PRKAR1A: variants seen among roughly 807,000 people sequenced by gnomAD.
The protein encoded by PRKAR1A is cAMP-dependent protein kinase type I-alpha regulatory subunit.
A neutral mutation model predicts 52.0 loss-of-function variants in PRKAR1A; 3 were observed. The observed-to-expected ratio is 0.06, with a 90% CI of 0.03 to 0.15. The LOEUF is 0.15. PRKAR1A is among the 10% of genes least tolerant of loss of function. The probability of loss-of-function intolerance (pLI) is 1.00; values close to 1 mark genes in which losing one functional copy is unlikely to be tolerated. For synonymous variants in PRKAR1A, 188 were observed against 168.4 expected (o/e 1.12, Z -0.90); for missense variants, 240 against 477.4 (o/e 0.50, Z 4.63).
At chr17:68,452,855 G>A in the PRKAR1A span, 1 of 1,533,632 alleles carries the variant, frequency 6.5e-7, no homozygotes, top group Non-Finnish European at 9.0e-7. Flanking sequence ...TTAAAGCCTA[G>A]AAGGAGGCTC....
chr17:68,489,205 T>TGG, the PRKAR1A span, among the ~76,000 whole-genome samples: 235 of 40,422 alleles, frequency 5.8e-3, 33 homozygotes, highest in East Asian at 0.025. Context: ...TATATATATA[T>TGG]ATATATATAT....
chr17:68,543,687 A>C, intron 11 of PRKAR1A: 1 of 1,614,186 alleles, frequency 6.2e-7, no homozygotes, highest in Non-Finnish European at 8.5e-7. Flanking sequence ...ATGAAGTAGA[A>C]GAAGTCCACT....
chr17:68,523,695 A>G, intron 3 of PRKAR1A, 30 bp from the exon 4 acceptor site: 2 of 1,564,398 alleles, frequency 1.3e-6, no homozygotes, highest in Non-Finnish European at 1.8e-6. Flanking sequence ...GGTTTATGGA[A>G]TTGTCATTTG....
the PRKAR1A span, among the ~76,000 whole-genome samples, chr17:68,416,437 T>G: frequency 6.6e-6 from 1 of 152,126 alleles, no homozygotes; most frequent in African/African-American, 2.4e-5. Context: ...TGTTTTTCTT[T>G]ATAGGTTACC....
In PRKAR1A at chr17:68,544,093, T is replaced by G. The variant is rs567788905; in HGVS notation, c.974-6991T>G. Among the ~76,000 whole-genome samples the G allele has an allele frequency of 2.0e-5, 3 of 152,222 alleles. No individual in the cohort carries two copies. The South Asian group carries it at 6.2e-4, about 32-fold the overall frequency. On this transcript the variant is annotated intron_variant, in intron 11 of 11. Coordinates refer to the PRKAR1A transcript ENST00000585981. The stretch of plus-strand genomic sequence containing the variant: ...GAATGGTTAGCAGAACCAGAGGTAG[T>G]GCAGATCCAGATGTCCAAGGATGAA...
Position 68,532,385 on chromosome 17 carries a change from CTTAAATCATTTGG to C in PRKAR1A, c.*1950_*1962del, listed in dbSNP as rs2086000676. 7.6e-6 allele frequency: 8 copies of C among 1,057,310 alleles called. No homozygotes were observed. The highest frequency in any genetic ancestry group is 4.6e-5 in the South Asian group (1 of 21,792). 65.5% of individuals were successfully genotyped at this position (1,057,310 alleles called of 1,614,324 possible). A position where few individuals can be genotyped will look rare whatever the true frequency, so the allele number is the denominator to read the frequency against. On this transcript the variant is annotated 3_prime_UTR_variant, in exon 11 of 11. Transcript: ENST00000589228. ...TAATGCTTTCTGAGTGAGTTTTACT[CTTAAATCATTTGG>C]TTAAATCATTTGGCTTGCTGTTTAC...
the PRKAR1A span, among the ~76,000 whole-genome samples, chr17:68,499,368 A>AGAGAG: frequency 1.4e-5 from 2 of 140,402 alleles, no homozygotes; most frequent in African/African-American, 5.2e-5. Flanking sequence ...AAGGGAGGAA[A>AGAGAG]AGAGAGAGAG....
chr17:68,427,208 G>A, the PRKAR1A span: 1 of 1,614,212 alleles, frequency 6.2e-7, no homozygotes, highest in Non-Finnish European at 8.5e-7. Context: ...AGGAAGGTCT[G>A]AGGTCATTTT....
At chr17:68,459,198 T>C in the PRKAR1A span, among the ~76,000 whole-genome samples, 3 of 152,360 alleles carry the variant, frequency 2.0e-5, no homozygotes, top group African/African-American at 7.2e-5. Context: ...GCTGTTTAGA[T>C]ACTTTGTGCC....
At chr17:68,426,988 A>AC in the PRKAR1A span, 1 of 669,396 alleles carries the variant, frequency 1.5e-6, no homozygotes, top group Non-Finnish European at 2.6e-6. Flanking sequence ...AGAGCACTCC[A>AC]CCCCCAGGTA....
chr17:68,424,567 C>T, the PRKAR1A span: 2 of 520,432 alleles, frequency 3.8e-6, no homozygotes, highest in African/African-American at 3.9e-5. Flanking sequence ...AGCTGATGCT[C>T]CAAGTCTTGG....
At position 68,540,705 on chromosome 17, in the gene PRKAR1A, A is replaced by G. The variant is rs1568719909; in HGVS notation, c.974-10379A>G. 20 of 1,019,976 alleles carry G rather than the reference A, an allele frequency of 2.0e-5. No individual in the cohort carries two copies. In the Middle Eastern group the frequency reaches 6.4e-4, roughly 33 times the overall value. The allele number at this position is 1,019,976 out of a possible 1,614,324, so 63.2% of individuals were successfully genotyped here. A position where few individuals can be genotyped will look rare whatever the true frequency, so the allele number is the denominator to read the frequency against. The stretch of plus-strand genomic sequence containing the variant: ...AGCCTGTTACCTTCTGTCCTCTGGG[A>G]CCTCCGCCACTTCTGAGGCTGTGGG... On this transcript the variant is annotated intron_variant, in intron 11 of 11. Coordinates refer to the PRKAR1A transcript ENST00000585981.
intron 1 of PRKAR1A, among the ~76,000 whole-genome samples, chr17:68,513,486 C>T (rs2085336770): frequency 6.6e-6 from 1 of 152,212 alleles, no homozygotes; most frequent in Admixed American, 6.5e-5. Flanking sequence ...GAATGTAATC[C>T]TTTCGAAACA....
chr17:68,463,745 C>T, the PRKAR1A span, among the ~76,000 whole-genome samples: 4 of 152,004 alleles, frequency 2.6e-5, no homozygotes, highest in African/African-American at 9.7e-5. Flanking sequence ...CAAAGAGCAG[C>T]GAGGAGGCAG....
In PRKAR1A at chr17:68,532,983, T is replaced by C. The variant is rs572350291; in HGVS notation, c.*2534T>C. ...GGTAATTGAGATGTAGCAGATTTAT[T>C]TACTTAGTCATGGAAAGAAAAAAAT... On this transcript the variant is annotated 3_prime_UTR_variant, in exon 11 of 11. Coordinates refer to ENST00000589228, the MANE Select transcript of PRKAR1A (RefSeq NM_002734.5). 2.8e-6 allele frequency: 3 copies of C among 1,065,824 alleles called. No homozygotes were observed. The highest frequency in any genetic ancestry group is 1.1e-6 in the Non-Finnish European group (1 of 879,728). 66.0% of individuals were successfully genotyped at this position (1,065,824 alleles called of 1,614,324 possible).
intron 11 of PRKAR1A, among the ~76,000 whole-genome samples, chr17:68,544,347 C>T (rs567854095): frequency 3.9e-5 from 6 of 152,240 alleles, no homozygotes; most frequent in Admixed American, 2.6e-4. Flanking sequence ...TCCTGAAAAG[C>T]GCCAGGCTGC....
At chr17:68,430,030 A>G in the PRKAR1A span, 1 of 1,614,152 alleles carries the variant, frequency 6.2e-7, no homozygotes, top group Non-Finnish European at 8.5e-7. Context: ...TGTCCGGAGA[A>G]GTTCAAGCGT....
chr17:68,429,399 C>T, the PRKAR1A span, among the ~76,000 whole-genome samples: 4 of 152,030 alleles, frequency 2.6e-5, no homozygotes, highest in Admixed American at 6.6e-5. Flanking sequence ...CATAGGAGTC[C>T]GAACCTAGAA....
the PRKAR1A span, chr17:68,433,384 A>G: frequency 8.0e-7 from 1 of 1,254,298 alleles, no homozygotes; most frequent in Non-Finnish European, 1.2e-6. Flanking sequence ...GTTCAGAAAG[A>G]AAAGAGATCA....
Sources: gnomAD v4.1 joint callset for allele counts (sites outside exome capture counted in the v4.1 genomes callset) on GRCh38, gnomAD v4.1.1 for gene constraint, MANE v1.5 for transcripts, NCBI Gene and HGNC (gene_info 2026-07-23, HGNC 2026-07-21) for gene names.